Variants in AGAP1 observed in about 807,000 individuals in gnomAD.
AGAP1 encodes arf-GAP with GTPase, ANK repeat and PH domain-containing protein 1.
Under a neutral mutation model 105.3 loss-of-function variants are expected in AGAP1, and 29 were observed. That is an observed-to-expected ratio of 0.28 (90% CI 0.21 to 0.38). The LOEUF (loss-of-function observed/expected upper bound fraction) is 0.38. Among genes scored for constraint, AGAP1 ranks in the 10% least tolerant of loss-of-function variants. The probability of loss-of-function intolerance (pLI) is 1.00; values close to 1 mark genes in which losing one functional copy is unlikely to be tolerated. For missense variants in AGAP1, 998 were observed against 1,165.1 expected (o/e 0.86, Z 2.09); for synonymous variants, 509 against 485.9 (o/e 1.05, Z -0.63).
In AGAP1 at chr2:235,754,763, G is replaced by T. The variant is rs971382639; in HGVS notation, c.673+4275G>T. On this transcript the variant is annotated intron_variant, in intron 6 of 17. Coordinates refer to ENST00000304032, the MANE Select transcript of AGAP1 (RefSeq NM_001037131.3). The surrounding 1 kb of genome is among the most constrained non-coding windows in gnomAD (Gnocchi z 4.6). ...AGCACCAGCTTCCCACACACTGTGC[G>T]TCTGGTCAGGGGCTAGAGGCAGATT... Among the ~76,000 whole-genome samples, 1 of 152,214 alleles carries T rather than the reference G, an allele frequency of 6.6e-6. No homozygotes were observed. The highest frequency in any genetic ancestry group is 2.4e-5 in the African/African-American group (1 of 41,450).
rs1183803018 is a variant in AGAP1 at position 235,582,646 on chromosome 2, A to C, written c.163+87797A>C. On this transcript the variant is annotated intron_variant, in intron 1 of 17. Coordinates refer to ENST00000304032, the MANE Select transcript of AGAP1 (RefSeq NM_001037131.3). This position sits in a 1 kb window ranked among gnomAD's most constrained non-coding sequence, Gnocchi z 4.7. ...ATTTCTTAAAAGTGTTTTACAACAA[A>C]AGCACGGAGTGTACTTCAGAAGGAA... 6.6e-6 allele frequency among the ~76,000 whole-genome samples: 1 copy of C among 152,236 alleles called. No homozygotes were observed. Among genetic ancestry groups the C allele is most frequent in the Admixed American group, 6.5e-5 (1 of 15,288 alleles).
At position 235,735,838 on chromosome 2, in the gene AGAP1, C is replaced by A. The variant is rs554218207; in HGVS notation, c.311-5125C>A. On this transcript the variant is annotated intron_variant, in intron 3 of 17. Transcript: ENST00000304032. The stretch of plus-strand genomic sequence containing the variant: ...CACTTGCCTTGGGGTGAACCAGAAA[C>A]CTAATACATTGCACATTGCACTTGA... Among the ~76,000 whole-genome samples the A allele has an allele frequency of 7.6e-4, 116 of 152,114 alleles. 1 individual carries two copies. The highest frequency in any genetic ancestry group is 8.7e-4 in the African/African-American group (36 of 41,514).
chr2:235,513,707 A>G (rs557173535), intron 1 of AGAP1, among the ~76,000 whole-genome samples: 1 of 152,152 alleles, frequency 6.6e-6, no homozygotes, highest in East Asian at 1.9e-4. Context: ...TCCAGGTGCC[A>G]TGGCATGGGG....
intron 1 of AGAP1, among the ~76,000 whole-genome samples, chr2:235,634,241 T>C: frequency 6.6e-6 from 1 of 152,248 alleles, no homozygotes; most frequent in Non-Finnish European, 1.5e-5. Flanking sequence ...TTTGCATTGG[T>C]GCATTGCTAG....
chr2:235,916,485 C>T (rs2051891692), intron 11 of AGAP1, among the ~76,000 whole-genome samples: 2 of 152,194 alleles, frequency 1.3e-5, no homozygotes, highest in Admixed American at 1.3e-4. Flanking sequence ...GTATTAGCTT[C>T]CACAGTTATT....
chr2:235,835,866 A>G (rs1393214032), intron 9 of AGAP1, among the ~76,000 whole-genome samples: 1 of 152,232 alleles, frequency 6.6e-6, no homozygotes, highest in Non-Finnish European at 1.5e-5. Context: ...CTGACTGGAG[A>G]GGCTCCGGCT....
At chr2:235,669,345 C>G (rs1039589417) in intron 1 of AGAP1, among the ~76,000 whole-genome samples, 1 of 152,158 alleles carries the variant, frequency 6.6e-6, no homozygotes, top group African/African-American at 2.4e-5. Context: ...AAACGCGCAG[C>G]AGGTGAGACA....
At position 236,015,186 on chromosome 2, in the gene AGAP1, G is replaced by A. The variant is rs568252870; in HGVS notation, c.1646-21375G>A. Among the ~76,000 whole-genome samples, 5 of 152,090 alleles carry A rather than the reference G, an allele frequency of 3.3e-5. No individual in the cohort carries two copies. In the East Asian group the frequency reaches 7.7e-4, roughly 23 times the overall value. ...CTTTTTTCTTTTCCTTTATACATGT[G>A]GGCACTCAGTGTAATATTTCCCAAG... On this transcript the variant is annotated intron_variant, in intron 13 of 17. Transcript: ENST00000304032.
intron 1 of AGAP1, among the ~76,000 whole-genome samples, chr2:235,583,115 C>T (rs547216051): frequency 6.6e-6 from 1 of 152,286 alleles, no homozygotes; most frequent in Admixed American, 6.5e-5. Context: ...CTCTGGGGCA[C>T]CTCCAAGTGG....
Position 235,866,114 on chromosome 2 carries a change from C to G in AGAP1, c.1051-17231C>G, listed in dbSNP as rs1304313056. On this transcript the variant is annotated intron_variant, in intron 9 of 17. Transcript: ENST00000304032. This position sits in a 1 kb window ranked among gnomAD's most constrained non-coding sequence, Gnocchi z 6.1. Reference sequence around the variant, plus strand: ...GTCACTCATCCAGATTTACTTGATGCTGTTTTAGTTAGGCAGCAGCATGCG... The same window carrying G: ...GTCACTCATCCAGATTTACTTGATGGTGTTTTAGTTAGGCAGCAGCATGCG... Among the ~76,000 whole-genome samples the G allele has an allele frequency of 1.3e-5, 2 of 152,164 alleles. No homozygotes were observed. The highest frequency in any genetic ancestry group is 4.8e-5 in the African/African-American group (2 of 41,434).
chr2:236,102,156 G>C (rs574073951), intron 16 of AGAP1, among the ~76,000 whole-genome samples: 277 of 152,278 alleles, frequency 1.8e-3, no homozygotes, highest in Middle Eastern at 0.014. Context: ...GGTGGCTCAC[G>C]CCTGTAATCC....
intron 1 of AGAP1, among the ~76,000 whole-genome samples, chr2:235,673,015 C>T (rs1389181959): frequency 6.6e-6 from 1 of 152,220 alleles, no homozygotes; most frequent in East Asian, 1.9e-4. Flanking sequence ...TAATGAACTA[C>T]ATTATAGCCA....
chr2:235,680,174 A>G lies in AGAP1; in HGVS notation c.164-29005A>G, dbSNP rs1416941704. ...GGCTGACCTTCCTTGTGGGCTACCCACGCCTTGCAACTGAAGAGCGGTAAT... is the reference window on the plus strand; with the variant it reads ...GGCTGACCTTCCTTGTGGGCTACCCGCGCCTTGCAACTGAAGAGCGGTAAT... On this transcript the variant is annotated intron_variant, in intron 1 of 17. Coordinates refer to ENST00000304032, the MANE Select transcript of AGAP1 (RefSeq NM_001037131.3). Among the ~76,000 whole-genome samples the G allele has an allele frequency of 7.2e-5, 11 of 152,234 alleles. No individual in the cohort carries two copies. In the East Asian group the frequency reaches 2.1e-3, roughly 29 times the overall value.
At chr2:236,011,177 C>G (rs1024474466) in intron 13 of AGAP1, among the ~76,000 whole-genome samples, 2 of 152,216 alleles carry the variant, frequency 1.3e-5, no homozygotes, top group African/African-American at 2.4e-5. Context: ...ATGTAGCACC[C>G]TTGTGTTTCA....
rs1047222971 is a variant in AGAP1, at chr2:235,631,115, G to T, written c.164-78064G>T. 1.1e-4 allele frequency among the ~76,000 whole-genome samples: 16 copies of T among 152,150 alleles called. No homozygotes were observed. Among genetic ancestry groups the T allele is most frequent in the African/African-American group, 2.9e-4 (12 of 41,430 alleles). On this transcript the variant is annotated intron_variant, in intron 1 of 17. Transcript: ENST00000304032. The surrounding 1 kb of genome is among the most constrained non-coding windows in gnomAD (Gnocchi z 5.4). The stretch of plus-strand genomic sequence containing the variant: ...GCACTGGTAATGCCTGGATACCAGG[G>T]TTACACACTCAGGGAAAATCCACAG...
chr2:236,117,634 T>G (rs2059802638), intron 16 of AGAP1, among the ~76,000 whole-genome samples: 1 of 152,202 alleles, frequency 6.6e-6, no homozygotes, highest in Admixed American at 6.5e-5. Context: ...AGTTGTGGGA[T>G]TTTAATGTCT....
intron 1 of AGAP1, among the ~76,000 whole-genome samples, chr2:235,568,322 C>G (rs1944412300): frequency 6.6e-6 from 1 of 152,236 alleles, no homozygotes; most frequent in Non-Finnish European, 1.5e-5. Context: ...CGTGGGCTGC[C>G]TGCTGTGGGC....
At chr2:235,892,457 G>T (rs1575712249) in intron 10 of AGAP1, among the ~76,000 whole-genome samples, 3 of 152,054 alleles carry the variant, frequency 2.0e-5, no homozygotes, top group Non-Finnish European at 4.4e-5. Flanking sequence ...TCATCAGAAT[G>T]CAGATTTCAG....
At chr2:235,634,886 G>A (rs1946942256) in intron 1 of AGAP1, among the ~76,000 whole-genome samples, 1 of 152,112 alleles carries the variant, frequency 6.6e-6, no homozygotes, top group Admixed American at 6.5e-5. Flanking sequence ...GCTGGTTATT[G>A]GTGTTAGGAT....
Sources: gnomAD v4.1 joint callset for allele counts (sites outside exome capture counted in the v4.1 genomes callset) on GRCh38, gnomAD v4.1.1 for gene constraint, Gnocchi (gnomAD v3.1) non-coding constraint, MANE v1.5 for transcripts, NCBI Gene and HGNC (gene_info 2026-07-23, HGNC 2026-07-21) for gene names.